SGCD: variants seen among roughly 807,000 people sequenced by gnomAD.
SGCD encodes the protein sarcoglycan delta.
Under a neutral mutation model 36.6 loss-of-function variants are expected in SGCD, and 18 were observed. The ratio of observed to expected loss-of-function variants is 0.49; its 90% confidence interval spans 0.34 to 0.73. SGCD has a LOEUF of 0.73. SGCD is among the 30% of genes least tolerant of loss of function. The pLI is 0.01. For synonymous variants in SGCD, 133 were observed against 130.6 expected, an observed-to-expected ratio of 1.02 and a Z score of -0.12; for missense variants, 387 against 346.7, an observed-to-expected ratio of 1.12 and a Z score of -0.92.
intron 3 of SGCD, among the ~76,000 whole-genome samples, chr5:156,468,591 G>A (rs977696258): frequency 1.3e-5 from 2 of 152,202 alleles, no homozygotes; most frequent in African/African-American, 4.8e-5. Flanking sequence ...CCGTTGAATT[G>A]TTAGGTGTTT....
the SGCD span, among the ~76,000 whole-genome samples, chr5:155,737,120 A>C: frequency 6.6e-6 from 1 of 152,240 alleles, no homozygotes; most frequent in African/African-American, 2.4e-5. Flanking sequence ...CCTTATTTTC[A>C]AACTTTACTA....
chr5:155,910,536 T>C (rs916003187), intron 1 of SGCD, among the ~76,000 whole-genome samples: 31 of 152,134 alleles, frequency 2.0e-4, no homozygotes, highest in African/African-American at 6.5e-4. Context: ...AACTTGGTGG[T>C]TGCACATCAT....
chr5:156,510,086 C>G (rs1756866771), intron 4 of SGCD, among the ~76,000 whole-genome samples: 1 of 152,076 alleles, frequency 6.6e-6, no homozygotes, highest in South Asian at 2.1e-4. Flanking sequence ...AAACTGGTAC[C>G]ACTACTAAAT....
the SGCD span, among the ~76,000 whole-genome samples, chr5:155,824,699 G>A: frequency 6.6e-6 from 1 of 152,280 alleles, no homozygotes; most frequent in African/African-American, 2.4e-5. Context: ...GAGTGGTTAA[G>A]ACTTGAACCC....
intron 3 of SGCD, among the ~76,000 whole-genome samples, chr5:156,393,172 G>A (rs1372147382): frequency 6.6e-6 from 1 of 152,164 alleles, no homozygotes; most frequent in Non-Finnish European, 1.5e-5. Context: ...GAAACCAAGA[G>A]ACAGGGACAG....
At chr5:156,543,322 G>T (rs3925360) in intron 4 of SGCD, among the ~76,000 whole-genome samples, 1 of 152,162 alleles carries the variant, frequency 6.6e-6, no homozygotes, top group African/African-American at 2.4e-5. Flanking sequence ...TCTAGATAAA[G>T]AAAGGGTTCA....
chr5:156,130,667 T>G (rs1762300217), intron 3 of SGCD, among the ~76,000 whole-genome samples: 1 of 152,188 alleles, frequency 6.6e-6, no homozygotes, highest in Non-Finnish European at 1.5e-5. Context: ...GAAAAGCCCA[T>G]TAGGGACAGT....
In SGCD at chr5:156,119,061, A is replaced by G. The variant is rs555513655; in HGVS notation, c.-208+1110A>G. Among the ~76,000 whole-genome samples, 5 of 152,268 alleles carry G rather than the reference A, an allele frequency of 3.3e-5. No individual in the cohort carries two copies. In the South Asian group the frequency reaches 1.0e-3, roughly 32 times the overall value. On this transcript the variant is annotated intron_variant, in intron 2 of 9. Transcript: ENST00000517913. ...TGTGGTGACTTGGTGCTGGGTATAC[A>G]ATCCATGTAGCTCATTCCAGTATGT...
chr5:156,349,373 A>G (rs1769114999), intron 3 of SGCD, among the ~76,000 whole-genome samples: 1 of 151,992 alleles, frequency 6.6e-6, no homozygotes, highest in African/African-American at 2.4e-5. Flanking sequence ...ACTAATATTC[A>G]GAATCGATAA....
At chr5:156,152,337 A>C (rs1230534745) in intron 3 of SGCD, among the ~76,000 whole-genome samples, 1 of 151,582 alleles carries the variant, frequency 6.6e-6, no homozygotes, top group Non-Finnish European at 1.5e-5. Context: ...AGAGAGTGAA[A>C]TAAAGAGGAG....
At chr5:155,882,668 G>A (rs756320482) in intron 1 of SGCD, among the ~76,000 whole-genome samples, 1 of 152,152 alleles carries the variant, frequency 6.6e-6, no homozygotes, top group Admixed American at 6.5e-5. Flanking sequence ...TTTCTGGGCA[G>A]TAGGTCTCAA....
chr5:156,206,560 G>C (rs1226672531), intron 3 of SGCD, among the ~76,000 whole-genome samples: 2 of 152,020 alleles, frequency 1.3e-5, no homozygotes, highest in Non-Finnish European at 2.9e-5. Flanking sequence ...TGATCAATAA[G>C]AAATGTAAAC....
chr5:156,077,810 G>A (rs901481010), intron 1 of SGCD, among the ~76,000 whole-genome samples: 5 of 152,148 alleles, frequency 3.3e-5, no homozygotes, highest in Non-Finnish European at 7.4e-5. Flanking sequence ...CTCCCGGCAA[G>A]GTCGGTTTCT....
chr5:156,233,321 C>A (rs1765069022), intron 3 of SGCD, among the ~76,000 whole-genome samples: 1 of 152,202 alleles, frequency 6.6e-6, no homozygotes, highest in South Asian at 2.1e-4. Flanking sequence ...TCGAAAGCTG[C>A]TATAACTTTC....
At chr5:156,621,427 G>A (rs1228578053) in intron 6 of SGCD, among the ~76,000 whole-genome samples, 2 of 152,000 alleles carry the variant, frequency 1.3e-5, no homozygotes, top group Non-Finnish European at 2.9e-5. Flanking sequence ...TCCTGACCTC[G>A]TAATCTTCCT....
At chr5:156,730,585 T>C (rs1461682095) in intron 7 of SGCD, among the ~76,000 whole-genome samples, 3 of 152,236 alleles carry the variant, frequency 2.0e-5, no homozygotes, top group African/African-American at 4.8e-5. Flanking sequence ...TAGTATTCCA[T>C]GGTGTATATG....
chr5:155,942,334 G>GTATCTATCTATCTATCTATC (rs67577711), intron 1 of SGCD, among the ~76,000 whole-genome samples: 1,770 of 138,438 alleles, frequency 0.013, 20 homozygotes, highest in East Asian at 0.048. Flanking sequence ...ATGTATGTAT[G>GTATCTATCTATCTATCTATC]TATCTATCTA....
intron 1 of SGCD, among the ~76,000 whole-genome samples, chr5:155,899,005 G>A (rs994027072): frequency 2.0e-5 from 3 of 152,178 alleles, no homozygotes; most frequent in Non-Finnish European, 2.9e-5. Flanking sequence ...AGACATAGAG[G>A]GACATGCAGG....
At chr5:156,043,376 A>G (rs1759684683) in intron 1 of SGCD, among the ~76,000 whole-genome samples, 1 of 152,194 alleles carries the variant, frequency 6.6e-6, no homozygotes, top group African/African-American at 2.4e-5. Context: ...ATACTGATGG[A>G]AAATTAGGCA....
Sources: gnomAD v4.1 joint callset for allele counts (sites outside exome capture counted in the v4.1 genomes callset) on GRCh38, gnomAD v4.1.1 for gene constraint, MANE v1.5 for transcripts, NCBI Gene and HGNC (gene_info 2026-07-23, HGNC 2026-07-21) for gene names.